Variants in HYCC1 observed in about 807,000 individuals in gnomAD.
The protein encoded by HYCC1 is hyccin.
At chr7:22,916,967 G>T in the HYCC1 span, among the ~76,000 whole-genome samples, 3 of 152,144 alleles carry the variant, frequency 2.0e-5, no homozygotes, top group African/African-American at 7.2e-5. Context: ...CTACACAAGG[G>T]TCCTCCATCA....
chr7:22,962,891 G>C, the HYCC1 span, among the ~76,000 whole-genome samples: 1 of 151,984 alleles, frequency 6.6e-6, no homozygotes, highest in South Asian at 2.1e-4. Context: ...GGCATACAGA[G>C]AAGGCTGAAA....
At chr7:22,924,386 T>A in the HYCC1 span, among the ~76,000 whole-genome samples, 3 of 152,094 alleles carry the variant, frequency 2.0e-5, no homozygotes, top group Admixed American at 2.0e-4. Flanking sequence ...GGGCGAGGCA[T>A]TGCCTCACCC....
the HYCC1 span, chr7:22,983,837 T>A: frequency 1.4e-6 from 1 of 719,882 alleles, no homozygotes; most frequent in Non-Finnish European, 2.5e-6. Context: ...TCAGTATTGT[T>A]CTTTAAACAT....
the HYCC1 span, chr7:22,938,884 C>T: frequency 6.6e-6 from 1 of 151,986 alleles, no homozygotes; most frequent in African/African-American, 2.4e-5. Context: ...CAGGAATCCC[C>T]ATTTAAAAAA....
At chr7:22,922,239 C>T in the HYCC1 span, among the ~76,000 whole-genome samples, 14 of 151,968 alleles carry the variant, frequency 9.2e-5, no homozygotes, top group Non-Finnish European at 1.5e-4. Context: ...ATATTAAGTG[C>T]AAATGATCAA....
chr7:22,949,410 C>T, the HYCC1 span, among the ~76,000 whole-genome samples: 3 of 152,006 alleles, frequency 2.0e-5, no homozygotes, highest in African/African-American at 7.2e-5. Context: ...ACTCTTCATT[C>T]GAGTCCGTTT....
the HYCC1 span, among the ~76,000 whole-genome samples, chr7:22,956,267 G>A: frequency 1.3e-5 from 2 of 151,574 alleles, no homozygotes; most frequent in East Asian, 1.9e-4. Flanking sequence ...AACACAATAC[G>A]CATAAAAGAA....
At chr7:22,960,196 A>G in the HYCC1 span, 1 of 1,516,066 alleles carries the variant, frequency 6.6e-7, no homozygotes, top group East Asian at 2.3e-5. Flanking sequence ...CACCATAAGT[A>G]CAGTGAAAAA....
the HYCC1 span, among the ~76,000 whole-genome samples, chr7:22,987,541 C>A: frequency 6.6e-6 from 1 of 152,180 alleles, no homozygotes; most frequent in Admixed American, 6.5e-5. Context: ...GTGTGAGACC[C>A]TGTCTCAAAT....
chr7:22,989,870 G>A, the HYCC1 span, among the ~76,000 whole-genome samples: 1 of 152,160 alleles, frequency 6.6e-6, no homozygotes, highest in South Asian at 2.1e-4. Context: ...AATACACACT[G>A]CAACTGAAAA....
chr7:22,965,607 A>C, the HYCC1 span, among the ~76,000 whole-genome samples: 29 of 151,398 alleles, frequency 1.9e-4, no homozygotes, highest in East Asian at 7.7e-4. Context: ...AAAAAAAAAA[A>C]AAACAAAGAA....
chr7:22,926,302 A>G, the HYCC1 span, among the ~76,000 whole-genome samples: 1 of 152,198 alleles, frequency 6.6e-6, no homozygotes, highest in Non-Finnish European at 1.5e-5. Context: ...AGCTAACATC[A>G]TAATGACAGG....
the HYCC1 span, chr7:22,976,655 A>G: frequency 1.6e-6 from 2 of 1,212,826 alleles, no homozygotes; most frequent in African/African-American, 1.5e-5. Context: ...TTAAAAAATT[A>G]GTGGATTAAG....
chr7:22,991,994 C>T, the HYCC1 span, among the ~76,000 whole-genome samples: 1 of 151,928 alleles, frequency 6.6e-6, no homozygotes, highest in South Asian at 2.1e-4. Flanking sequence ...ATATATTTGC[C>T]TTACTTTTTT....
the HYCC1 span, chr7:22,945,200 A>G: frequency 3.7e-6 from 1 of 272,300 alleles, no homozygotes; most frequent in Non-Finnish European, 7.0e-6. Context: ...CCAAACACAC[A>G]GCCATCAAAA....
chr7:23,006,084 G>A, the HYCC1 span, among the ~76,000 whole-genome samples: 4 of 152,196 alleles, frequency 2.6e-5, no homozygotes, highest in Non-Finnish European at 4.4e-5. Context: ...GCATGCATGT[G>A]TCTGGCAGGT....
At chr7:22,992,898 T>A in the HYCC1 span, among the ~76,000 whole-genome samples, 3 of 152,214 alleles carry the variant, frequency 2.0e-5, no homozygotes, top group East Asian at 5.8e-4. Context: ...AAGAGGAATA[T>A]ACAAGGAACC....
At chr7:22,991,023 T>C in the HYCC1 span, 4 of 1,428,294 alleles carry the variant, frequency 2.8e-6, no homozygotes, top group Non-Finnish European at 4.0e-6. Context: ...CAAAACTTCC[T>C]TGGAATATAA....
the HYCC1 span, among the ~76,000 whole-genome samples, chr7:22,960,952 G>A: frequency 1.3e-5 from 2 of 152,224 alleles, no homozygotes; most frequent in Admixed American, 1.3e-4. Context: ...TCGGGAGGCC[G>A]AGGCAGGAAA....
Sources: allele counts gnomAD v4.1 joint callset (sites outside exome capture counted in the v4.1 genomes callset), GRCh38; gene constraint gnomAD v4.1.1; transcripts MANE v1.5; gene names NCBI Gene and HGNC (gene_info 2026-07-23, HGNC 2026-07-21).